The following BRIP1 variants were observed in gnomAD, a reference collection of about 807,000 sequenced individuals.
The protein encoded by BRIP1 is Fanconi anemia group J protein.
In BRIP1, 88 loss-of-function variants were observed where a neutral mutation model predicts 119.7. The observed-to-expected ratio is 0.74, with a 90% confidence interval of 0.62 to 0.88. BRIP1 has a LOEUF of 0.88. Among genes scored for constraint, BRIP1 ranks in the 40% least tolerant of loss-of-function variants. The pLI, the probability that BRIP1 is intolerant of heterozygous loss-of-function variation, is 0.00. For synonymous variants in BRIP1, 443 were observed against 496.5 expected (o/e 0.89, Z 1.43); for missense variants, 1,259 against 1,455.4 (o/e 0.87, Z 2.20).
chr17:61,709,278 G>A lies in BRIP1; in HGVS notation c.2492+6673C>T, dbSNP rs776524741. Among the ~76,000 whole-genome samples the A allele has an allele frequency of 4.6e-5, 7 of 152,006 alleles. No individual in the cohort carries two copies. The highest frequency in any genetic ancestry group is 3.9e-4 in the Admixed American group (6 of 15,270). ...CCAGTGTTCAAAATGTGTTGATATC[G>A]CTTGTCTGTCACTGTCTCCTCTCTC... On this transcript the variant is annotated intron_variant, in intron 17 of 19. Coordinates refer to ENST00000259008, the MANE Select transcript of BRIP1 (RefSeq NM_032043.3). The surrounding 1 kb of genome is among the most constrained non-coding windows in gnomAD (Gnocchi z 5.0).
At position 61,793,774 on chromosome 17, in the gene BRIP1, A is replaced by G. The variant is rs1349651297; in HGVS notation, c.1341-45T>C. ...TTGTGTCAACCAGTATCATCCTTAC[A>G]CACACTATTTCAGCAGAACAAGAGA... On this transcript the variant is annotated intron_variant, in intron 9 of 19. Transcript: ENST00000259008. The surrounding 1 kb of genome is among the most constrained non-coding windows in gnomAD (Gnocchi z 5.2). 6.3e-7 allele frequency: 1 copy of G among 1,584,600 alleles called. No individual in the cohort carries two copies. Among genetic ancestry groups the G allele is most frequent in the Middle Eastern group, 1.7e-4 (1 of 5,984 alleles).
Position 61,834,795 on chromosome 17 carries a change from A to G in BRIP1, c.627+12306T>C, listed in dbSNP as rs1399825835. ...ACCTCATGGTCCCAGCTGACTACCA[A>G]TCAACTCCCTGAAGCAGGGCTGCCT... On this transcript the variant is annotated intron_variant, in intron 6 of 19. Coordinates refer to ENST00000259008, the MANE Select transcript of BRIP1 (RefSeq NM_032043.3). This position sits in a 1 kb window ranked among gnomAD's most constrained non-coding sequence, Gnocchi z 4.4. Among the ~76,000 whole-genome samples the G allele has an allele frequency of 2.0e-5, 3 of 152,136 alleles. No homozygotes were observed. Among genetic ancestry groups the G allele is most frequent in the Admixed American group, 1.3e-4 (2 of 15,276 alleles).
chr17:61,836,821 T>A (rs1219882031), intron 6 of BRIP1, among the ~76,000 whole-genome samples: 5 of 152,160 alleles, frequency 3.3e-5, no homozygotes, highest in African/African-American at 7.2e-5. Context: ...TGGTAATGCA[T>A]ATAATATGAC....
In BRIP1 at chr17:61,810,889, T is replaced by C. The variant is rs374273560; in HGVS notation, c.628-2132A>G. ...GCTATTATACAGTTTTACAACTAGA[T>C]ACTTTGTTTTCAAAGTTTTTAATTT... On this transcript the variant is annotated intron_variant, in intron 6 of 19. Coordinates refer to ENST00000259008, the MANE Select transcript of BRIP1 (RefSeq NM_032043.3). This position sits in a 1 kb window ranked among gnomAD's most constrained non-coding sequence, Gnocchi z 4.7. Among the ~76,000 whole-genome samples the C allele has an allele frequency of 6.6e-6, 1 of 152,230 alleles. No homozygotes were observed. The highest frequency in any genetic ancestry group is 1.5e-5 in the Non-Finnish European group (1 of 68,032).
At chr17:61,840,666 C>T (rs1406229767) in intron 6 of BRIP1, among the ~76,000 whole-genome samples, 1 of 152,092 alleles carries the variant, frequency 6.6e-6, no homozygotes, top group Non-Finnish European at 1.5e-5. Flanking sequence ...TTACTCCAAG[C>T]AACCTACAGA....
At chr17:61,813,196 A>G (rs959555852) in intron 6 of BRIP1, among the ~76,000 whole-genome samples, 1 of 152,024 alleles carries the variant, frequency 6.6e-6, no homozygotes, top group Non-Finnish European at 1.5e-5. Context: ...TAGAGAGAAA[A>G]AGAGAATGAA....
In BRIP1 at chr17:61,808,727, A is replaced by C. The variant is rs1555609351; in HGVS notation, c.658T>G (p.Ser220Ala). The C allele has an allele frequency of 6.2e-7, 1 of 1,613,680 alleles. No homozygotes were observed. Among genetic ancestry groups the C allele is most frequent in the Non-Finnish European group, 8.5e-7 (1 of 1,179,954 alleles). Residue 220 changes from serine (S) to alanine (A), a missense_variant, in exon 7 of 20, where the codon TCT (serine) becomes GCT (alanine). By Grantham distance (99) the Ser-to-Ala change is moderately conservative (BLOSUM62 1). Around this residue, in one of 3 missense-constraint regions of BRIP1, gnomAD observed 501 missense variants for 544.0 expected, o/e 0.92. Transcript: ENST00000259008. This position sits in a 1 kb window ranked among gnomAD's most constrained non-coding sequence, Gnocchi z 4.1. ...PPGHCSRCCCSTKQGNSQESS... is the reference protein window; with the variant it reads ...PPGHCSRCCCATKQGNSQESS... ...TCTTGACTGTTTCCTTGTTTAGTAGAACAACAGCACCTAGAACAGTGGCCA... is the reference window on the plus strand; with the variant it reads ...TCTTGACTGTTTCCTTGTTTAGTAGCACAACAGCACCTAGAACAGTGGCCA...
Position 61,693,849 on chromosome 17 carries a change from C to T in BRIP1, c.2493-337G>A, listed in dbSNP as rs2061485952. ...AAGTATTATAAATAATTGTAAAGGT[C>T]CTTTTTACTAGTTTGATGAGAGTTT... On this transcript the variant is annotated intron_variant, in intron 17 of 19. Transcript: ENST00000259008. This position sits in a 1 kb window ranked among gnomAD's most constrained non-coding sequence, Gnocchi z 4.2. 1.3e-5 allele frequency among the ~76,000 whole-genome samples: 2 copies of T among 151,828 alleles called. No homozygotes were observed.
intron 16 of BRIP1, among the ~76,000 whole-genome samples, chr17:61,731,247 T>G (rs1050346524): frequency 1.3e-5 from 2 of 152,224 alleles, no homozygotes; most frequent in African/African-American, 2.4e-5. Flanking sequence ...TTGCTGAACT[T>G]GTAAATGTTA....
rs150313156 is a variant in BRIP1 at position 61,808,757 on chromosome 17, G to A, written c.628C>T (p.Pro210Ser). ...CAGCACCTAGAACAGTGGCCAGGGG[G>A]CTGTAAGAAAGGAAAGAAACGATAA... The part of the protein sequence containing the change: ...EKINSFSPQK[P>S]PGHCSRCCCS... The change falls in exon 7 of 20, where the codon CCC (proline) becomes TCC (serine). Residue 210 changes from proline (P) to serine (S), a missense_variant and splice_region_variant. Around this residue, in one of 3 missense-constraint regions of BRIP1, gnomAD observed 501 missense variants for 544.0 expected, o/e 0.92. Transcript: ENST00000259008. This position sits in a 1 kb window ranked among gnomAD's most constrained non-coding sequence, Gnocchi z 4.1. 2.2e-5 allele frequency: 35 copies of A among 1,611,924 alleles called. No homozygotes were observed. In the African/African-American group the frequency reaches 4.0e-4, roughly 18 times the overall value.
At chr17:61,819,738 G>A (rs577103335) in intron 6 of BRIP1, among the ~76,000 whole-genome samples, 123 of 152,242 alleles carry the variant, frequency 8.1e-4, no homozygotes, top group Non-Finnish European at 1.5e-3. Flanking sequence ...GGGCAAGGTA[G>A]TCTAGGGAGG....
chr17:61,780,543 T>G lies in BRIP1; in HGVS notation c.1795-142A>C. 1.2e-6 allele frequency: 1 copy of G among 800,666 alleles called. No individual in the cohort carries two copies. Among genetic ancestry groups the G allele is most frequent in the Non-Finnish European group, 2.1e-6 (1 of 485,756 alleles). The allele number at this position is 800,666 out of a possible 1,614,324, so 49.6% of individuals were successfully genotyped here. A position where few individuals can be genotyped will look rare whatever the true frequency, so the allele number is the denominator to read the frequency against. On this transcript the variant is annotated intron_variant, in intron 12 of 19. Coordinates refer to ENST00000259008, the MANE Select transcript of BRIP1 (RefSeq NM_032043.3). This position sits in a 1 kb window ranked among gnomAD's most constrained non-coding sequence, Gnocchi z 5.4. ...AGGAGTCTGAGACCAGCCTGGGCAA[T>G]ATGGTGAAACCCCGTCTCTACAAAA...
In BRIP1 at chr17:61,724,230, C is replaced by G. The variant is rs1216141833; in HGVS notation, c.2380-8167G>C. ...GAATTGGGTAAAAATACCCAATAGA[C>G]AGATGGCATTCAAGCAGAAGTTATA... is the stretch of plus-strand genomic sequence containing the variant. On this transcript the variant is annotated intron_variant, in intron 16 of 19. Transcript: ENST00000259008. The surrounding 1 kb of genome is among the most constrained non-coding windows in gnomAD (Gnocchi z 5.1). Among the ~76,000 whole-genome samples the G allele has an allele frequency of 1.3e-5, 2 of 151,904 alleles. No homozygotes were observed. The highest frequency in any genetic ancestry group is 2.9e-5 in the Non-Finnish European group (2 of 67,970).
In BRIP1 at chr17:61,808,499, C is replaced by G. The variant is rs876660125; in HGVS notation, c.886G>C (p.Glu296Gln). ...CCATCTAGCAATTCCATGCACTTCT[C>G]ATTTCTGTTGAAGTTACCGACTACC... ...PEVVGNFNRNEKCMELLDGKN... is the reference protein window; with the variant it reads ...PEVVGNFNRNQKCMELLDGKN... Residue 296 changes from glutamate to glutamine, a missense_variant, in exon 7 of 20, where the codon GAG becomes CAG. This residue lies in a region of BRIP1 where 501 missense variants were observed against 544.0 expected (regional missense o/e 0.92). Coordinates refer to ENST00000259008, the MANE Select transcript of BRIP1 (RefSeq NM_032043.3). This position sits in a 1 kb window ranked among gnomAD's most constrained non-coding sequence, Gnocchi z 4.1. 1 of 1,613,664 alleles carries G rather than the reference C, an allele frequency of 6.2e-7. No homozygotes were observed. Among genetic ancestry groups the G allele is most frequent in the African/African-American group, 1.3e-5 (1 of 74,906 alleles).
chr17:61,850,517 C>T (rs1162557800), intron 4 of BRIP1, among the ~76,000 whole-genome samples: 2 of 152,114 alleles, frequency 1.3e-5, no homozygotes, highest in Non-Finnish European at 2.9e-5. Context: ...ATGAGCAGGT[C>T]CAATACTGTT....
Position 61,726,966 on chromosome 17 carries a change from T to C in BRIP1, c.2380-10903A>G, listed in dbSNP as rs748862340. 1.6e-4 allele frequency among the ~76,000 whole-genome samples: 24 copies of C among 152,202 alleles called. No individual in the cohort carries two copies. The highest frequency in any genetic ancestry group is 3.9e-4 in the Admixed American group (6 of 15,274). On this transcript the variant is annotated intron_variant, in intron 16 of 19. Transcript: ENST00000259008. The surrounding 1 kb of genome is among the most constrained non-coding windows in gnomAD (Gnocchi z 6.2). ...GAGAGCCCGATAACTGTGAATAAAC[T>C]TTTGCTAGCAATAACAACTAACAAA...
intron 6 of BRIP1, among the ~76,000 whole-genome samples, chr17:61,829,928 C>CT (rs59921365): frequency 0.16 from 23,464 of 147,428 alleles, 3,698 homozygotes; most frequent in African/African-American, 0.4. Context: ...AAGTTTCAAT[C>CT]TTTTTTTTTT....
rs1273669114 is a variant in BRIP1 at position 61,848,232 on chromosome 17, T to C, written c.507+897A>G. On this transcript the variant is annotated intron_variant, in intron 5 of 19. Coordinates refer to ENST00000259008, the MANE Select transcript of BRIP1 (RefSeq NM_032043.3). The surrounding 1 kb of genome is among the most constrained non-coding windows in gnomAD (Gnocchi z 4.3). ...TTGCTCTGTCACCAAGGTTGAAGCATAATTGCATGATCTTAGCTCACCACA... is the reference window on the plus strand; with the variant it reads ...TTGCTCTGTCACCAAGGTTGAAGCACAATTGCATGATCTTAGCTCACCACA... Among the ~76,000 whole-genome samples the C allele has an allele frequency of 1.3e-5, 2 of 152,186 alleles. No individual in the cohort carries two copies. Among genetic ancestry groups the C allele is most frequent in the Non-Finnish European group, 2.9e-5 (2 of 68,036 alleles).
rs1375382005 is a variant in BRIP1 at position 61,795,309 on chromosome 17, T to C, written c.1341-1580A>G. Among the ~76,000 whole-genome samples, 2 of 152,094 alleles carry C rather than the reference T, an allele frequency of 1.3e-5. No individual in the cohort carries two copies. Among genetic ancestry groups the C allele is most frequent in the Non-Finnish European group, 2.9e-5 (2 of 67,982 alleles). The stretch of plus-strand genomic sequence containing the variant: ...ATCATTATTGACTATAGTCACACTG[T>C]TGTGCTATCAAATACTAGGCCTTAT... On this transcript the variant is annotated intron_variant, in intron 9 of 19. Coordinates refer to ENST00000259008, the MANE Select transcript of BRIP1 (RefSeq NM_032043.3). The surrounding 1 kb of genome is among the most constrained non-coding windows in gnomAD (Gnocchi z 5.6).
Sources: allele counts gnomAD v4.1 joint callset (sites outside exome capture counted in the v4.1 genomes callset), GRCh38; gene constraint gnomAD v4.1.1; regional missense constraint gnomAD v4.1.1; non-coding constraint Gnocchi (gnomAD v3.1); transcripts MANE v1.5; gene names NCBI Gene and HGNC (gene_info 2026-07-23, HGNC 2026-07-21).